The following SFTPD variants were observed in gnomAD, a reference collection of about 807,000 sequenced individuals.
The protein encoded by SFTPD is pulmonary surfactant-associated protein D.
Under a neutral mutation model 34.6 loss-of-function variants are expected in SFTPD, and 18 were observed. The ratio of observed to expected loss-of-function variants is 0.52; its 90% CI spans 0.36 to 0.77. SFTPD has a LOEUF of 0.77. Among genes scored for constraint, SFTPD ranks in the 30% least tolerant of loss-of-function variants. The pLI, the probability that SFTPD is intolerant of heterozygous loss-of-function variation, is 0.00. For synonymous variants in SFTPD, 155 were observed against 180.9 expected (o/e 0.86, Z 1.15); for missense variants, 433 against 468.9 (o/e 0.92, Z 0.71).
intron 1 of SFTPD, among the ~76,000 whole-genome samples, chr10:79,977,877 A>G (rs1842871504): frequency 6.6e-6 from 1 of 151,964 alleles, no homozygotes; most frequent in South Asian, 2.1e-4. Flanking sequence ...TTTTCAGTAA[A>G]GAGATCTTGC....
intron 1 of SFTPD, 127 bp downstream of exon 1, chr10:79,948,939 C>T (rs1842691452): frequency 6.6e-6 from 1 of 152,360 alleles, no homozygotes; most frequent in African/African-American, 2.4e-5. Flanking sequence ...CCTCCTGCGC[C>T]CATGCCTCCT....
Position 79,937,921 on chromosome 10 carries a change from C to T in SFTPD, c.1059G>A (p.Glu353=). ...CATTCCACTTGCCATTGGTGAAGATCTCCACACAGTCCTCTGACCCGCCAT... is the reference window on the plus strand; with the variant it reads ...CATTCCACTTGCCATTGGTGAAGATTTCCACACAGTCCTCTGACCCGCCAT... ...NDDGGSEDCV[E]IFTNGKWNDR... Residue 353 remains glutamate, a synonymous_variant, in exon 8 of 8, where the codon GAG becomes GAA. Transcript: ENST00000372292. 1.2e-6 allele frequency: 2 copies of T among 1,604,664 alleles called. No homozygotes were observed. The highest frequency in any genetic ancestry group is 1.7e-6 in the Non-Finnish European group (2 of 1,173,938).
Position 79,940,764 on chromosome 10 carries a change from A to G in SFTPD, c.692T>C (p.Val231Ala). The G allele has an allele frequency of 6.2e-7, 1 of 1,612,002 alleles. No individual in the cohort carries two copies. Among genetic ancestry groups the G allele is most frequent in the Non-Finnish European group, 8.5e-7 (1 of 1,178,232 alleles). The change falls in exon 7 of 8, where the codon GTT (valine) becomes GCT (alanine). Residue 231 changes from valine (V) to alanine (A), a missense_variant. By Grantham distance (64) the Val-to-Ala change is moderately conservative (BLOSUM62 0). Coordinates refer to ENST00000372292, the MANE Select transcript of SFTPD (RefSeq NM_003019.5). ...CTGTACTTGTCCCTGTAAGGCCTCA[A>G]CCTGCTGCCTCAGAGAAGCAACATC... is the stretch of plus-strand genomic sequence containing the variant. ...LPDVASLRQQ[V>A]EALQGQVQHL...
intron 1 of SFTPD, chr10:79,969,330 C>G (rs140785105): frequency 3.0e-4 from 45 of 152,220 alleles, no homozygotes; most frequent in African/African-American, 1.1e-3. Flanking sequence ...AAAAATTAGC[C>G]TGGCATGGTG....
intron 1 of SFTPD, among the ~76,000 whole-genome samples, chr10:79,947,753 C>A (rs1315131218): frequency 2.0e-5 from 3 of 152,164 alleles, no homozygotes; most frequent in African/African-American, 7.2e-5. Context: ...AGGCAGAAAG[C>A]TAGTGTTGTG....
At chr10:79,963,108 T>G (rs2132515452) in intron 1 of SFTPD, among the ~76,000 whole-genome samples, 1 of 152,240 alleles carries the variant, frequency 6.6e-6, no homozygotes, top group East Asian at 1.9e-4. Flanking sequence ...TTTGGGAGTC[T>G]GAAGTGAGAG....
intron 1 of SFTPD, among the ~76,000 whole-genome samples, chr10:79,980,975 C>G (rs1842887077): frequency 6.6e-6 from 1 of 152,134 alleles, no homozygotes; most frequent in Non-Finnish European, 1.5e-5. Flanking sequence ...CCTCACCAAA[C>G]TAAATAAGGC....
At position 79,942,062 on chromosome 10, in the gene SFTPD, C is replaced by G; in HGVS notation, c.442G>C (p.Gly148Arg). Residue 148 changes from glycine to arginine, a missense_variant, in exon 5 of 8, where the codon GGT becomes CGT. Coordinates refer to ENST00000372292, the MANE Select transcript of SFTPD (RefSeq NM_003019.5). ...GCCGAGCCCTGCATGCCTGGGGCAC[C>G]TACTTCTCCTGAAGAAGGAACACAC... is the stretch of plus-strand genomic sequence containing the variant. Reference protein sequence around the residue: ...KGEAGPKGEVGAPGMQGSAGA... With the variant: ...KGEAGPKGEVRAPGMQGSAGA... The G allele has an allele frequency of 6.2e-7, 1 of 1,609,722 alleles. No individual in the cohort carries two copies. The highest frequency in any genetic ancestry group is 8.5e-7 in the Non-Finnish European group (1 of 1,176,572).
intron 1 of SFTPD, among the ~76,000 whole-genome samples, chr10:79,947,985 A>G (rs1258700083): frequency 1.3e-5 from 2 of 152,270 alleles, no homozygotes; most frequent in Admixed American, 6.5e-5. Context: ...CACCAGGCCA[A>G]CTGGGGTGGT....
intron 1 of SFTPD, among the ~76,000 whole-genome samples, chr10:79,959,761 T>A (rs1345776194): frequency 5.3e-5 from 8 of 152,102 alleles, no homozygotes; most frequent in African/African-American, 1.9e-4. Context: ...TTCCAATCAA[T>A]AGAAAAAGAG....
At chr10:79,969,022 T>G (rs1343101333) in intron 1 of SFTPD, 3 of 152,214 alleles carry the variant, frequency 2.0e-5, no homozygotes, top group African/African-American at 7.2e-5. Flanking sequence ...GTTTTTTGCC[T>G]GTTAATTTAA....
At position 79,979,288 on chromosome 10, in the gene SFTPD, C is replaced by T. The variant is rs150448653; in HGVS notation, c.36+3287G>A. On this transcript the variant is annotated intron_variant, in intron 1 of 5. Coordinates refer to the SFTPD transcript ENST00000444384. ...GCCAGAGCCCTCCAATGATCATTCCCCATGCCCTGCAGGAACACCAACCTG... is the reference window on the plus strand; with the variant it reads ...GCCAGAGCCCTCCAATGATCATTCCTCATGCCCTGCAGGAACACCAACCTG... 1.4e-3 allele frequency among the ~76,000 whole-genome samples: 208 copies of T among 152,302 alleles called. 2 individuals carry two copies. The highest frequency in any genetic ancestry group is 4.4e-3 in the African/African-American group (182 of 41,568).
At position 79,942,804 on chromosome 10, in the gene SFTPD, G is replaced by C. The variant is rs1378390480; in HGVS notation, c.275C>G (p.Ser92Cys). 1.2e-6 allele frequency: 2 copies of C among 1,613,796 alleles called. No homozygotes were observed. The highest frequency in any genetic ancestry group is 3.3e-5 in the Admixed American group (2 of 59,992). The part of the protein sequence containing the change: ...GPVGPKGDNG[S>C]VGEPGPKGDT... Reference sequence around the variant, plus strand: ...TCCCTTTGGTCCAGGTTCTCCAACAGAGCCATTGTCCCCTTTGGGCCCAAC... The same window carrying C: ...TCCCTTTGGTCCAGGTTCTCCAACACAGCCATTGTCCCCTTTGGGCCCAAC... Residue 92 changes from serine to cysteine, a missense_variant, in exon 3 of 8, where the codon TCT (serine) becomes TGT (cysteine). Physicochemically the swap from Ser to Cys is moderately radical, Grantham distance 112. Coordinates refer to ENST00000372292, the MANE Select transcript of SFTPD (RefSeq NM_003019.5).
At chr10:79,973,475 A>G (rs1407946226) in intron 1 of SFTPD, among the ~76,000 whole-genome samples, 1 of 152,008 alleles carries the variant, frequency 6.6e-6, no homozygotes, top group Non-Finnish European at 1.5e-5. Flanking sequence ...AAAATTAGCC[A>G]GGCGCAGTGA....
chr10:79,975,337 T>G (rs189766037), intron 1 of SFTPD, among the ~76,000 whole-genome samples: 4 of 152,346 alleles, frequency 2.6e-5, no homozygotes, highest in Admixed American at 2.6e-4. Flanking sequence ...TAACCTCTTC[T>G]GTTACTTTGT....
chr10:79,949,010 G>A (rs1842692342), intron 1 of SFTPD, 56 bp downstream of exon 1: 1 of 152,190 alleles, frequency 6.6e-6, no homozygotes, highest in Non-Finnish European at 1.5e-5. Context: ...GGTCGGCAGA[G>A]GGATATTTAT....
chr10:79,943,717 A>T (rs1474082112), intron 2 of SFTPD, among the ~76,000 whole-genome samples: 1 of 152,184 alleles, frequency 6.6e-6, no homozygotes, highest in Non-Finnish European at 1.5e-5. Flanking sequence ...TCTGAATTCC[A>T]TGCCCAGTGG....
chr10:79,940,874 A>G, intron 6 of SFTPD, 86 bp from the exon 7 acceptor site: 1 of 854,596 alleles, frequency 1.2e-6, no homozygotes, highest in Non-Finnish European at 2.0e-6. Flanking sequence ...AAGGGTGTCT[A>G]GTTTCGGGCA....
chr10:79,941,812 C>T (rs1842614321), intron 5 of SFTPD, 142 bp downstream of exon 5: 2 of 702,816 alleles, frequency 2.8e-6, no homozygotes, highest in Non-Finnish European at 5.1e-6. Flanking sequence ...CCTCATGCAC[C>T]CTTCTTGGAT....
Sources: allele counts gnomAD v4.1 joint callset (sites outside exome capture counted in the v4.1 genomes callset), GRCh38; gene constraint gnomAD v4.1.1; transcripts MANE v1.5; gene names NCBI Gene and HGNC (gene_info 2026-07-23, HGNC 2026-07-21).